Variants in LYN observed in about 807,000 individuals in gnomAD.
The protein encoded by LYN is LYN proto-oncogene, Src family tyrosine kinase.
In LYN, 12 loss-of-function variants were observed where a neutral mutation model predicts 65.0. That is an observed-to-expected ratio of 0.18 (90% CI 0.12 to 0.30). The LOEUF is 0.30. LYN is among the 10% of genes least tolerant of loss of function. The pLI is 1.00. For synonymous variants in LYN, 222 were observed against 221.2 expected (o/e 1.00, Z -0.03); for missense variants, 380 against 623.2 (o/e 0.61, Z 4.16).
chr8:55,946,412 A>G, intron 2 of LYN, 36 bp from the exon 3 acceptor site: 1 of 1,455,388 alleles, frequency 6.9e-7, no homozygotes, highest in South Asian at 1.2e-5. Context: ...GAAAAGCTAA[A>G]CAGAATTTTT....
intron 4 of LYN, among the ~76,000 whole-genome samples, chr8:55,948,398 C>G (rs143464500): frequency 6.6e-6 from 1 of 152,156 alleles, no homozygotes. Context: ...TTCATGGGCC[C>G]AGCCTAGCTT....
chr8:56,004,629 G>A (rs1413886482), intron 12 of LYN, among the ~76,000 whole-genome samples: 1 of 152,086 alleles, frequency 6.6e-6, no homozygotes, highest in Non-Finnish European at 1.5e-5. Flanking sequence ...CCCCATGCCT[G>A]CGGGTGCTCC....
intron 1 of LYN, among the ~76,000 whole-genome samples, chr8:55,915,507 C>A (rs1217018627): frequency 3.2e-4 from 48 of 152,068 alleles, no homozygotes; most frequent in Admixed American, 3.1e-3. Flanking sequence ...GAGTTTGAGA[C>A]CAGCCTGGTC....
At chr8:55,994,916 T>G (rs1477191839) in intron 10 of LYN, among the ~76,000 whole-genome samples, 2 of 152,170 alleles carry the variant, frequency 1.3e-5, no homozygotes, top group East Asian at 3.8e-4. Context: ...GCATCGTGGT[T>G]CTATCGCCAA....
intron 6 of LYN, among the ~76,000 whole-genome samples, chr8:55,951,669 A>C (rs570869540): frequency 1.3e-5 from 2 of 152,106 alleles, no homozygotes; most frequent in South Asian, 4.1e-4. Flanking sequence ...TATTTCAAAA[A>C]AAAAAAAAAG....
chr8:56,011,196 A>G lies in LYN; in HGVS notation c.*1086A>G, dbSNP rs552957480. 3.1e-5 allele frequency: 7 copies of G among 228,036 alleles called. No homozygotes were observed. The South Asian group carries it at 1.1e-3, about 36-fold the overall frequency. 14.1% of individuals were successfully genotyped at this position (228,036 alleles called of 1,614,324 possible). On this transcript the variant is annotated 3_prime_UTR_variant, in exon 13 of 13. Transcript: ENST00000519728. ...TATACCCAAGGATATGAAGGAACAT[A>G]AGTGACTACAAGGCTCTAATAAGCC...
Position 55,952,048 on chromosome 8 carries a change from T to C in LYN, c.570T>C (p.Asn190=), listed in dbSNP as rs142777324. The C allele has an allele frequency of 5.6e-6, 9 of 1,611,932 alleles. No individual in the cohort carries two copies. Among genetic ancestry groups the C allele is most frequent in the Non-Finnish European group, 7.6e-6 (9 of 1,179,400 alleles). ...ACTACAAAATTAGAAGTCTGGATAA[T>C]GGGGGCTATTACATCTCTCCACGAA... is the stretch of plus-strand genomic sequence containing the variant. ...IKHYKIRSLD[N]GGYYISPRIT... The change falls in exon 7 of 13, where the codon AAT becomes AAC. Residue 190 remains asparagine (N), a synonymous_variant. Coordinates refer to ENST00000519728, the MANE Select transcript of LYN (RefSeq NM_002350.4).
chr8:55,896,540 G>A (rs561177310), intron 1 of LYN, among the ~76,000 whole-genome samples: 1 of 152,010 alleles, frequency 6.6e-6, no homozygotes, highest in Non-Finnish European at 1.5e-5. Context: ...GGCATTAGGA[G>A]AAATACCTAA....
At position 56,009,922 on chromosome 8, in the gene LYN, G is replaced by C; in HGVS notation, c.1351G>C (p.Asp451His). The C allele has an allele frequency of 1.9e-6, 3 of 1,613,870 alleles. No individual in the cohort carries two copies. The highest frequency in any genetic ancestry group is 1.7e-6 in the Non-Finnish European group (2 of 1,179,840). Residue 451 changes from aspartate to histidine, a missense_variant, in exon 13 of 13, where the codon GAC (aspartate) becomes CAC (histidine). By Grantham distance (81) the Asp-to-His change is moderately conservative. This residue lies in a region of LYN where 223 missense variants were observed against 430.0 expected (regional missense o/e 0.52). Coordinates refer to ENST00000519728, the MANE Select transcript of LYN (RefSeq NM_002350.4). Reference protein sequence around the residue: ...KIPYPGRTNADVMTALSQGYR... With the variant: ...KIPYPGRTNAHVMTALSQGYR... ...TTCCACCCTAGGGAGAACTAATGCC[G>C]ACGTGATGACCGCCCTGTCCCAGGG... is the stretch of plus-strand genomic sequence containing the variant.
Position 55,909,036 on chromosome 8 carries a change from C to CTGT in LYN, c.-6+28933_-6+28934insTGT, listed in dbSNP as rs1563504906. On this transcript the variant is annotated intron_variant, in intron 1 of 12. Coordinates refer to ENST00000519728, the MANE Select transcript of LYN (RefSeq NM_002350.4). ...ACACACACACACACACACACACACA[C>CTGT]ACACACACACACACACCCCACATTT... 9.0e-5 allele frequency among the ~76,000 whole-genome samples: 4 copies of CTGT among 44,206 alleles called. 1 individual carries two copies. In the East Asian group the frequency reaches 5.3e-3, roughly 59 times the overall value. 29.0% of individuals were successfully genotyped at this position (44,206 alleles called of 152,430 possible).
At chr8:55,922,744 G>T (rs1805980814) in intron 1 of LYN, among the ~76,000 whole-genome samples, 1 of 150,608 alleles carries the variant, frequency 6.6e-6, no homozygotes, top group South Asian at 2.1e-4. Flanking sequence ...TCCAGCCTGG[G>T]CAAAAAGAGC....
chr8:55,942,367 G>GTGTATATA (rs1806643225), intron 2 of LYN, among the ~76,000 whole-genome samples: 1 of 139,426 alleles, frequency 7.2e-6, no homozygotes, highest in African/African-American at 2.8e-5. Flanking sequence ...GTATATATAT[G>GTGTATATA]TGTATATATA....
chr8:55,967,544 G>C (rs976911552), intron 9 of LYN, among the ~76,000 whole-genome samples: 4 of 152,078 alleles, frequency 2.6e-5, no homozygotes, highest in African/African-American at 7.2e-5. Flanking sequence ...TCGAACTCCT[G>C]AGCTCAGGCA....
At chr8:55,997,613 A>G (rs1483293298) in intron 10 of LYN, among the ~76,000 whole-genome samples, 2 of 152,056 alleles carry the variant, frequency 1.3e-5, no homozygotes, top group Admixed American at 6.5e-5. Flanking sequence ...TCCTAATACT[A>G]TTGCCTCGGG....
chr8:55,942,213 A>C (rs1806631092), intron 2 of LYN, among the ~76,000 whole-genome samples: 1 of 151,690 alleles, frequency 6.6e-6, no homozygotes, highest in South Asian at 2.1e-4. Flanking sequence ...CTTTGGTCAC[A>C]TTCTTTTGTG....
At chr8:55,954,822 G>A (rs1807057066) in intron 8 of LYN, among the ~76,000 whole-genome samples, 1 of 148,050 alleles carries the variant, frequency 6.8e-6, no homozygotes, top group Non-Finnish European at 1.5e-5. Context: ...GTGACACAGT[G>A]AGACCCTGCC....
At chr8:55,937,760 A>G (rs923305935) in intron 1 of LYN, among the ~76,000 whole-genome samples, 5 of 152,228 alleles carry the variant, frequency 3.3e-5, no homozygotes, top group African/African-American at 4.8e-5. Context: ...TGGCACAACA[A>G]TCTTGGCTTA....
chr8:55,911,080 TACATATATATATATATATACATAC>T (rs1805590416), intron 1 of LYN, among the ~76,000 whole-genome samples: 1 of 14,344 alleles, frequency 7.0e-5, no homozygotes, highest in Non-Finnish European at 1.2e-4. Flanking sequence ...TATATATACA[TACATATATATATATATATACATAC>T]ACGTATATAT....
In LYN at chr8:55,947,677, G is replaced by T. The variant is rs1308646005; in HGVS notation, c.238G>T (p.Asp80Tyr). The T allele has an allele frequency of 6.2e-7, 1 of 1,614,058 alleles. No homozygotes were observed. The highest frequency in any genetic ancestry group is 8.5e-7 in the Non-Finnish European group (1 of 1,179,918). Reference sequence around the variant, plus strand: ...GTACCCCTATGATGGCATCCACCCGGACGACTTGTCTTTCAAGAAAGGAGA... The same window carrying T: ...GTACCCCTATGATGGCATCCACCCGTACGACTTGTCTTTCAAGAAAGGAGA... ...ALYPYDGIHP[D>Y]DLSFKKGEKM... Residue 80 changes from aspartate (D) to tyrosine (Y), a missense_variant, in exon 4 of 13, where the codon GAC becomes TAC. Around this residue, in one of 2 missense-constraint regions of LYN, gnomAD observed 157 missense variants for 193.2 expected, o/e 0.81. Transcript: ENST00000519728.
Sources: gnomAD v4.1 joint callset for allele counts (sites outside exome capture counted in the v4.1 genomes callset) on GRCh38, gnomAD v4.1.1 for gene constraint, gnomAD v4.1.1 regional missense constraint, MANE v1.5 for transcripts, NCBI Gene and HGNC (gene_info 2026-07-23, HGNC 2026-07-21) for gene names.